ITPR2: variants seen among roughly 807,000 people sequenced by gnomAD.
ITPR2 encodes inositol 1,4,5-trisphosphate receptor type 2.
In ITPR2, 207 loss-of-function variants were observed where a neutral mutation model predicts 317.1. The observed-to-expected ratio is 0.65, with a 90% confidence interval of 0.58 to 0.73. The LOEUF (loss-of-function observed/expected upper bound fraction) is 0.73, where lower values mean the gene tolerates loss of function less well. Ranked by LOEUF, ITPR2 falls within the 30% of genes least tolerant of loss-of-function variation. The probability of loss-of-function intolerance (pLI) is 0.00; values close to 1 mark genes in which losing one functional copy is unlikely to be tolerated. For synonymous variants in ITPR2, 1,156 were observed against 1,149.1 expected, an observed-to-expected ratio of 1.01 and a Z score of -0.12; for missense variants, 2,613 against 3,284.0, an observed-to-expected ratio of 0.80 and a Z score of 4.99.
chr12:26,485,888 C>T (rs2136847341), intron 41 of ITPR2, among the ~76,000 whole-genome samples: 1 of 152,288 alleles, frequency 6.6e-6, no homozygotes, highest in South Asian at 2.1e-4. Flanking sequence ...GAGGATGACA[C>T]TGTATGAGCC....
At chr12:26,605,739 T>C (rs1361351163) in intron 26 of ITPR2, among the ~76,000 whole-genome samples, 1 of 152,122 alleles carries the variant, frequency 6.6e-6, no homozygotes, top group Non-Finnish European at 1.5e-5. Context: ...TGTGTGGGAA[T>C]TGGTGAAAAA....
chr12:26,657,892 C>A lies in ITPR2; in HGVS notation c.2007G>T (p.Lys669Asn). Residue 669 changes from lysine to asparagine, a missense_variant and splice_region_variant, in exon 18 of 57, where the codon AAG (lysine) becomes AAT (asparagine). By Grantham distance (94) the Lys-to-Asn change is moderately conservative. Coordinates refer to ENST00000381340, the MANE Select transcript of ITPR2 (RefSeq NM_002223.4). ...GGTTGTCTGCTTGCATTGAGACCAC[C>A]CTTCAAATAAATAGCACATACAAAA... ...PGNADILIQT[K>N]VVSMQADNPM... 1.2e-6 allele frequency: 2 copies of A among 1,612,652 alleles called. No homozygotes were observed. The highest frequency in any genetic ancestry group is 2.2e-5 in the South Asian group (2 of 90,802).
intron 9 of ITPR2, among the ~76,000 whole-genome samples, chr12:26,703,521 G>T (rs983296668): frequency 6.6e-6 from 1 of 152,086 alleles, no homozygotes; most frequent in Non-Finnish European, 1.5e-5. Context: ...GTGTATAGTA[G>T]GATGTTTAGC....
chr12:26,810,272 T>G (rs936481438), intron 1 of ITPR2, among the ~76,000 whole-genome samples: 1 of 152,228 alleles, frequency 6.6e-6, no homozygotes, highest in Non-Finnish European at 1.5e-5. Context: ...CTACAGTGAA[T>G]GGTTGCCTCA....
Position 26,580,726 on chromosome 12 carries a change from G to A in ITPR2, c.4381-571C>T, listed in dbSNP as rs557626837. Reference sequence around the variant, plus strand: ...AAGAAGCATGGAAGTATAGGTTTGCGTGCATTCTTCTCAGAGTGGTCTCAG... The same window carrying A: ...AAGAAGCATGGAAGTATAGGTTTGCATGCATTCTTCTCAGAGTGGTCTCAG... On this transcript the variant is annotated intron_variant, in intron 32 of 56. Transcript: ENST00000381340. 5.3e-5 allele frequency among the ~76,000 whole-genome samples: 8 copies of A among 152,252 alleles called. No homozygotes were observed. In the East Asian group the frequency reaches 1.3e-3, roughly 26 times the overall value.
In ITPR2 at chr12:26,473,622, T is replaced by A. The variant is rs187449487; in HGVS notation, c.6342+1674A>T. 3.1e-3 allele frequency among the ~76,000 whole-genome samples: 475 copies of A among 152,350 alleles called. 5 individuals are homozygous for A. Among genetic ancestry groups the A allele is most frequent in the African/African-American group, 0.011 (458 of 41,576 alleles). ...CCTTGCCTTCTTCCCTCCACAGTGC[T>A]ACAGCCTCTAAAGTAACTCCTTGAC... On this transcript the variant is annotated intron_variant, in intron 45 of 56. Coordinates refer to ENST00000381340, the MANE Select transcript of ITPR2 (RefSeq NM_002223.4).
chr12:26,429,212 CA>C (rs1389300934), intron 48 of ITPR2, among the ~76,000 whole-genome samples: 2 of 152,034 alleles, frequency 1.3e-5, no homozygotes, highest in Admixed American at 1.3e-4. Flanking sequence ...AAAAGACAAA[CA>C]AAAAATCAGA....
intron 2 of ITPR2, among the ~76,000 whole-genome samples, chr12:26,774,749 G>A (rs1224259106): frequency 1.3e-5 from 2 of 152,164 alleles, no homozygotes; most frequent in Admixed American, 6.5e-5. Context: ...TCCAACATGC[G>A]AACAGCTTCC....
At chr12:26,364,240 A>G (rs956951037) in intron 55 of ITPR2, among the ~76,000 whole-genome samples, 5 of 152,218 alleles carry the variant, frequency 3.3e-5, no homozygotes, top group Admixed American at 1.3e-4. Flanking sequence ...TCTCTGTAGC[A>G]CCCATTACCA....
intron 15 of ITPR2, among the ~76,000 whole-genome samples, chr12:26,661,270 GTGT>G (rs1206718005): frequency 0.013 from 994 of 75,532 alleles, 51 homozygotes; most frequent in East Asian, 0.13. Flanking sequence ...GTAGGGGTGT[GTGT>G]GTGGGGGGGG....
In ITPR2 at chr12:26,784,307, C is replaced by CCCT. The variant is rs1565762377; in HGVS notation, c.163+5847_163+5849dup. Among the ~76,000 whole-genome samples the CCCT allele has an allele frequency of 1.4e-4, 3 of 20,828 alleles. 1 individual carries two copies. The highest frequency in any genetic ancestry group is 3.6e-4 in the Non-Finnish European group (3 of 8,340). 13.7% of individuals were successfully genotyped at this position (20,828 alleles called of 152,430 possible). ...TCCCTCTCCCTCTCCCTCTCCCTCT[C>CCCT]CCTCTCCCTCTGCCTCTCCCTCTCC... is the stretch of plus-strand genomic sequence containing the variant. On this transcript the variant is annotated intron_variant, in intron 2 of 56. Coordinates refer to ENST00000381340, the MANE Select transcript of ITPR2 (RefSeq NM_002223.4).
At chr12:26,688,933 C>T (rs1948181722) in intron 10 of ITPR2, among the ~76,000 whole-genome samples, 1 of 152,058 alleles carries the variant, frequency 6.6e-6, no homozygotes, top group Non-Finnish European at 1.5e-5. Context: ...TTAAATAACT[C>T]AATAATATAC....
chr12:26,561,994 TAA>T (rs770673577), intron 34 of ITPR2, 42 bp from the exon 35 acceptor site: 329 of 1,347,776 alleles, frequency 2.4e-4, no homozygotes, highest in Non-Finnish European at 3.2e-4. Context: ...TTAATTTGAC[TAA>T]AGTTTCTTAC....
intron 2 of ITPR2, among the ~76,000 whole-genome samples, chr12:26,752,539 T>G (rs1949442997): frequency 6.6e-6 from 1 of 152,204 alleles, no homozygotes; most frequent in Non-Finnish European, 1.5e-5. Context: ...ACGTCAGGAA[T>G]TACCCTATAT....
intron 13 of ITPR2, among the ~76,000 whole-genome samples, chr12:26,670,662 C>T (rs568352942): frequency 0.014 from 2,190 of 152,248 alleles, 53 homozygotes; most frequent in African/African-American, 0.049. Context: ...TCCAAAGGAA[C>T]GCAGTTCCTC....
At chr12:26,682,921 G>T (rs1227216672) in intron 11 of ITPR2, among the ~76,000 whole-genome samples, 3 of 152,172 alleles carry the variant, frequency 2.0e-5, no homozygotes, top group Non-Finnish European at 2.9e-5. Flanking sequence ...CTGGGAGCTT[G>T]TTAGAAATAC....
chr12:26,758,700 G>A (rs1949574500), intron 2 of ITPR2, among the ~76,000 whole-genome samples: 2 of 152,258 alleles, frequency 1.3e-5, no homozygotes, highest in East Asian at 1.9e-4. Flanking sequence ...CTCCAGCAAG[G>A]CTGTTTTACT....
At chr12:26,657,981 G>A in intron 17 of ITPR2, 30 bp downstream of exon 17, 1 of 1,602,326 alleles carries the variant, frequency 6.2e-7, no homozygotes. Flanking sequence ...TAATCAACAG[G>A]AAAATGATGC....
At chr12:26,422,121 AAATTATTTACT>A (rs1349661267) in intron 49 of ITPR2, among the ~76,000 whole-genome samples, 1 of 150,506 alleles carries the variant, frequency 6.6e-6, no homozygotes, top group Non-Finnish European at 1.5e-5. Flanking sequence ...CTAAATAACT[AAATTATTTACT>A]AATTATTTAC....
Sources: allele counts gnomAD v4.1 joint callset (sites outside exome capture counted in the v4.1 genomes callset), GRCh38; gene constraint gnomAD v4.1.1; transcripts MANE v1.5; gene names NCBI Gene and HGNC (gene_info 2026-07-23, HGNC 2026-07-21).